The following PDLIM1 variants were observed in gnomAD, a reference collection of about 807,000 sequenced individuals.
PDLIM1 encodes the protein PDZ and LIM domain protein 1.
PDLIM1 carries 25 observed loss-of-function variants against 35.2 expected under a neutral mutation model. The observed-to-expected ratio is 0.71, with a 90% confidence interval of 0.52 to 0.99. The LOEUF is 0.99. Ranked by LOEUF, PDLIM1 falls within the 50% of genes least tolerant of loss-of-function variation. The probability of loss-of-function intolerance (pLI) is 0.00; values close to 1 mark genes in which losing one functional copy is unlikely to be tolerated. For missense variants in PDLIM1, 363 were observed against 415.3 expected, an observed-to-expected ratio of 0.87 and a Z score of 1.09; for synonymous variants, 152 against 154.0, an observed-to-expected ratio of 0.99 and a Z score of 0.10.
intron 1 of PDLIM1, among the ~76,000 whole-genome samples, chr10:95,279,660 G>A (rs1019877689): frequency 6.6e-6 from 1 of 152,178 alleles, no homozygotes; most frequent in African/African-American, 2.4e-5. Context: ...ATTACTCAGG[G>A]GAGCAAAACG....
At chr10:95,264,972 C>T (rs1366599330) in intron 3 of PDLIM1, among the ~76,000 whole-genome samples, 1 of 152,100 alleles carries the variant, frequency 6.6e-6, no homozygotes, top group Non-Finnish European at 1.5e-5. Flanking sequence ...TCAGCAAGGT[C>T]CTTTCTATAT....
At chr10:95,247,466 G>T in intron 4 of PDLIM1, 100 bp from the exon 5 acceptor site, 1 of 932,988 alleles carries the variant, frequency 1.1e-6, no homozygotes, top group Non-Finnish European at 1.6e-6. Flanking sequence ...TTGAAGGATG[G>T]ATAGAAATGA....
chr10:95,268,622 C>G (rs527713939), intron 3 of PDLIM1, among the ~76,000 whole-genome samples, 156 bp downstream of exon 3: 8 of 152,276 alleles, frequency 5.3e-5, no homozygotes, highest in African/African-American at 1.7e-4. Context: ...AGTTCCCTTA[C>G]GGGAAGAACT....
intron 2 of PDLIM1, among the ~76,000 whole-genome samples, chr10:95,269,300 G>A (rs754755280): frequency 6.6e-6 from 1 of 152,194 alleles, no homozygotes; most frequent in Non-Finnish European, 1.5e-5. Context: ...GGCCGGGCGT[G>A]GTGGCTCACG....
intron 4 of PDLIM1, among the ~76,000 whole-genome samples, chr10:95,256,005 T>C (rs948361438): frequency 1.3e-5 from 2 of 151,778 alleles, no homozygotes; most frequent in African/African-American, 4.8e-5. Flanking sequence ...AAGTTGTTTC[T>C]ATACACTACC....
chr10:95,280,448 C>G (rs1206210656), intron 1 of PDLIM1, among the ~76,000 whole-genome samples: 1 of 152,190 alleles, frequency 6.6e-6, no homozygotes, highest in Non-Finnish European at 1.5e-5. Context: ...TTTGTGACCA[C>G]TGGCTCAGTT....
chr10:95,289,685 C>A (rs901822052), intron 1 of PDLIM1, among the ~76,000 whole-genome samples: 16 of 152,190 alleles, frequency 1.1e-4, no homozygotes, highest in Non-Finnish European at 1.8e-4. Context: ...TCTTCTCCAC[C>A]CTTCCCCCAA....
At chr10:95,257,202 T>A (rs1432465175) in intron 4 of PDLIM1, among the ~76,000 whole-genome samples, 1 of 151,818 alleles carries the variant, frequency 6.6e-6, no homozygotes, top group Admixed American at 6.6e-5. Flanking sequence ...GAGACCAGCC[T>A]GAGACCCTGT....
intron 1 of PDLIM1, chr10:95,273,040 A>C (rs1031189224): frequency 6.6e-6 from 1 of 152,244 alleles, no homozygotes; most frequent in African/African-American, 2.4e-5. Context: ...TACTCACCTC[A>C]GAGTACTATC....
intron 1 of PDLIM1, among the ~76,000 whole-genome samples, chr10:95,283,853 C>T (rs1022074086): frequency 1.1e-4 from 17 of 152,330 alleles, no homozygotes; most frequent in African/African-American, 4.1e-4. Flanking sequence ...GCCCGCCTTC[C>T]GTCACTGACC....
chr10:95,269,003 A>G (rs1356756398), intron 2 of PDLIM1, 141 bp from the exon 3 acceptor site: 1 of 641,212 alleles, frequency 1.6e-6, no homozygotes, highest in Non-Finnish European at 2.8e-6. Context: ...TCCATTTGCC[A>G]CCAGGTTGAT....
At chr10:95,256,825 A>C (rs1254570998) in intron 4 of PDLIM1, among the ~76,000 whole-genome samples, 1 of 151,900 alleles carries the variant, frequency 6.6e-6, no homozygotes, top group Non-Finnish European at 1.5e-5. Flanking sequence ...CTACAAAAAA[A>C]TTAGCCAGGA....
intron 2 of PDLIM1, 56 bp from the exon 3 acceptor site, chr10:95,268,918 C>A: frequency 7.9e-7 from 1 of 1,261,780 alleles, no homozygotes; most frequent in Non-Finnish European, 1.2e-6. Flanking sequence ...TAATATATAC[C>A]AAAGACAAAC....
chr10:95,281,581 C>CA (rs578111940), intron 1 of PDLIM1, among the ~76,000 whole-genome samples: 16 of 152,146 alleles, frequency 1.1e-4, no homozygotes, highest in Admixed American at 9.2e-4. Flanking sequence ...AAAACACAAA[C>CA]AAAAAAATAC....
At chr10:95,261,400 A>C (rs1183132729) in intron 4 of PDLIM1, among the ~76,000 whole-genome samples, 1 of 152,144 alleles carries the variant, frequency 6.6e-6, no homozygotes, top group Middle Eastern at 3.2e-3. Context: ...AAAAACAGGG[A>C]TCACAGGCCC....
At chr10:95,260,463 C>G (rs1027770316) in intron 4 of PDLIM1, among the ~76,000 whole-genome samples, 2 of 152,172 alleles carry the variant, frequency 1.3e-5, no homozygotes, top group Admixed American at 1.3e-4. Context: ...CTTCGCCCAC[C>G]TGGTACACAG....
intron 1 of PDLIM1, among the ~76,000 whole-genome samples, chr10:95,289,779 G>C (rs951251467): frequency 2.0e-5 from 3 of 152,266 alleles, no homozygotes; most frequent in Admixed American, 1.3e-4. Context: ...CCCAAGAATG[G>C]AATGTGCCGC....
At chr10:95,276,913 A>C (rs989572844) in intron 1 of PDLIM1, among the ~76,000 whole-genome samples, 1 of 149,864 alleles carries the variant, frequency 6.7e-6, no homozygotes, top group Non-Finnish European at 1.5e-5. Context: ...AAAAAAAAAA[A>C]AAAAAAAAAA....
At chr10:95,250,737 C>G (rs1434289676) in intron 4 of PDLIM1, among the ~76,000 whole-genome samples, 1 of 152,248 alleles carries the variant, frequency 6.6e-6, no homozygotes, top group African/African-American at 2.4e-5. Context: ...TCTGAACCCA[C>G]TCTATACAGT....
Sources: gnomAD v4.1 joint callset for allele counts (sites outside exome capture counted in the v4.1 genomes callset) on GRCh38, gnomAD v4.1.1 for gene constraint, MANE v1.5 for transcripts, NCBI Gene and HGNC (gene_info 2026-07-23, HGNC 2026-07-21) for gene names.